RGS13: variants seen among roughly 807,000 people sequenced by gnomAD.
RGS13 encodes regulator of G-protein signalling 13.
A neutral mutation model predicts 19.9 loss-of-function variants in RGS13; 14 were observed. The ratio of observed to expected loss-of-function variants is 0.70; its 90% CI spans 0.46 to 1.10. The LOEUF is 1.10. Ranked by LOEUF, RGS13 falls within the 50% of genes least tolerant of loss-of-function variation. The pLI, the probability that RGS13 is intolerant of heterozygous loss-of-function variation, is 0.00. For missense variants in RGS13, 205 were observed against 187.1 expected, an observed-to-expected ratio of 1.10 and a Z score of -0.56; for synonymous variants, 60 against 56.8, an observed-to-expected ratio of 1.06 and a Z score of -0.25.
chr1:192,656,808 A>G (rs1196665026), intron 5 of RGS13, among the ~76,000 whole-genome samples: 1 of 152,004 alleles, frequency 6.6e-6, no homozygotes, highest in Non-Finnish European at 1.5e-5. Flanking sequence ...CTTCTATTTG[A>G]GTTCTTTTGC....
At chr1:192,658,468 T>C in intron 6 of RGS13, 101 bp downstream of exon 6, 1 of 1,055,144 alleles carries the variant, frequency 9.5e-7, no homozygotes, top group South Asian at 1.6e-5. Context: ...ACATCCAGTA[T>C]CTCCTAAAAT....
At chr1:192,649,270 G>C (rs1161031541) in intron 5 of RGS13, among the ~76,000 whole-genome samples, 1 of 152,126 alleles carries the variant, frequency 6.6e-6, no homozygotes, top group Non-Finnish European at 1.5e-5. Context: ...GTCAGTGTTA[G>C]AACATTGAAA....
intron 4 of RGS13, 52 bp from the exon 5 acceptor site, chr1:192,647,874 A>T (rs563722784): frequency 8.0e-7 from 1 of 1,255,144 alleles, no homozygotes; most frequent in East Asian, 2.6e-5. Flanking sequence ...TTAGTTCAAC[A>T]AAAACCTTGA....
intron 3 of RGS13, among the ~76,000 whole-genome samples, chr1:192,641,843 A>T (rs1663128081): frequency 6.6e-6 from 1 of 152,106 alleles, no homozygotes; most frequent in African/African-American, 2.4e-5. Context: ...CTTTATCCTG[A>T]AGCCAAATCT....
At position 192,659,795 on chromosome 1, in the gene RGS13, GT is replaced by G. The variant is rs1663577773; in HGVS notation, c.*277del. The stretch of plus-strand genomic sequence containing the variant: ...TTCTTCATGATACAAGCATTATAAA[GT>G]TTTTACTGTAGTAGTCAATTAATGG... On this transcript the variant is annotated 3_prime_UTR_variant, in exon 7 of 7. Coordinates refer to ENST00000391995, the MANE Select transcript of RGS13 (RefSeq NM_002927.5). The G allele has an allele frequency of 3.7e-6, 1 of 268,882 alleles. No homozygotes were observed. Among genetic ancestry groups the G allele is most frequent in the African/African-American group, 2.2e-5 (1 of 44,794 alleles). 16.7% of individuals were successfully genotyped at this position (268,882 alleles called of 1,614,324 possible).
At chr1:192,652,334 A>G (rs964644677) in intron 5 of RGS13, among the ~76,000 whole-genome samples, 2 of 152,016 alleles carry the variant, frequency 1.3e-5, no homozygotes, top group African/African-American at 2.4e-5. Flanking sequence ...TCCTGATCCC[A>G]GAGTCATTCT....
chr1:192,657,731 T>C (rs184683103), intron 5 of RGS13, among the ~76,000 whole-genome samples: 1 of 152,296 alleles, frequency 6.6e-6, no homozygotes, highest in Admixed American at 6.5e-5. Context: ...TACAAACTAA[T>C]TAGAGTATCA....
At chr1:192,658,016 C>T (rs1226345002) in intron 5 of RGS13, among the ~76,000 whole-genome samples, 185 bp from the exon 6 acceptor site, 1 of 152,104 alleles carries the variant, frequency 6.6e-6, no homozygotes, top group Admixed American at 6.6e-5. Context: ...ATTGTCAAAG[C>T]ACGCTTCAGA....
intron 4 of RGS13, chr1:192,647,586 CACAAAT>C (rs1366047835): frequency 1.9e-5 from 3 of 154,502 alleles, no homozygotes; most frequent in Admixed American, 1.3e-4. Context: ...ATTAAAAACA[CACAAAT>C]ACAAACATAA....
rs1275932120 is a variant in RGS13, at chr1:192,660,194, A to G, written c.*671A>G. 2 of 152,060 alleles carry G rather than the reference A, an allele frequency of 1.3e-5. No homozygotes were observed. The highest frequency in any genetic ancestry group is 4.8e-5 in the African/African-American group (2 of 41,430). 9.4% of individuals were successfully genotyped at this position (152,060 alleles called of 1,614,324 possible). On this transcript the variant is annotated 3_prime_UTR_variant, in exon 7 of 7. Transcript: ENST00000391995. ...TAAAATGTGGTTTCTATATTTTGAG[A>G]TGTTTTTTCCTTACAATGTGAACTC...
chr1:192,640,666 T>C (rs1663088880), intron 3 of RGS13, among the ~76,000 whole-genome samples: 1 of 81,236 alleles, frequency 1.2e-5, no homozygotes, highest in Non-Finnish European at 2.9e-5. Flanking sequence ...TATTGCTTCT[T>C]GGTCCTCCTC....
At position 192,637,656 on chromosome 1, in the gene RGS13, G is replaced by C. The variant is rs2102026784; in HGVS notation, c.-49G>C. 1 of 152,122 alleles carries C rather than the reference G, an allele frequency of 6.6e-6. No individual in the cohort carries two copies. The highest frequency in any genetic ancestry group is 3.4e-3 in the Middle Eastern group (1 of 294). 9.4% of individuals were successfully genotyped at this position (152,122 alleles called of 1,614,324 possible). ...AAAAAATGATCATTGTTTATTTGAA[G>C]CTTGGTGAGTTTATCCACAATTTAA... is the stretch of plus-strand genomic sequence containing the variant. On this transcript the variant is annotated 5_prime_UTR_variant, in exon 2 of 7. Transcript: ENST00000391995.
chr1:192,658,465 G>C, intron 6 of RGS13, 98 bp downstream of exon 6: 1 of 1,097,284 alleles, frequency 9.1e-7, no homozygotes, highest in Non-Finnish European at 1.3e-6. Flanking sequence ...TTTACATCCA[G>C]TATCTCCTAA....
At position 192,636,304 on chromosome 1, in the gene RGS13, G is replaced by A. The variant is rs769941909; in HGVS notation, c.-129G>A. The A allele has an allele frequency of 2.6e-5, 4 of 152,144 alleles. No homozygotes were observed. The highest frequency in any genetic ancestry group is 7.2e-5 in the African/African-American group (3 of 41,542). The allele number at this position is 152,144 out of a possible 1,614,324, so 9.4% of individuals were successfully genotyped here. A position where few individuals can be genotyped will look rare whatever the true frequency, so the allele number is the denominator to read the frequency against. ...TCAAATTTAGCATGGTGGACTGCTCGACAGGATATATTTGTAAGTATGAGA... is the reference window on the plus strand; with the variant it reads ...TCAAATTTAGCATGGTGGACTGCTCAACAGGATATATTTGTAAGTATGAGA... On this transcript the variant is annotated 5_prime_UTR_variant, in exon 1 of 7. Coordinates refer to ENST00000391995, the MANE Select transcript of RGS13 (RefSeq NM_002927.5).
At chr1:192,643,311 A>T (rs545527341) in intron 3 of RGS13, among the ~76,000 whole-genome samples, 3 of 152,318 alleles carry the variant, frequency 2.0e-5, no homozygotes, top group Non-Finnish European at 4.4e-5. Flanking sequence ...TTCACTGTTT[A>T]TCCTTAATAA....
chr1:192,644,069 A>G (rs1028116703), intron 3 of RGS13, among the ~76,000 whole-genome samples: 8 of 152,182 alleles, frequency 5.3e-5, no homozygotes, highest in African/African-American at 1.7e-4. Flanking sequence ...GTATTTTTTG[A>G]ACCTCATTGT....
At position 192,659,376 on chromosome 1, in the gene RGS13, G is replaced by C. The variant is rs1663569861; in HGVS notation, c.333G>C (p.Arg111Ser). The change falls in exon 7 of 7, where the codon AGG becomes AGC. Residue 111 changes from arginine (R) to serine (S), a missense_variant. Transcript: ENST00000391995. ...IDSSTRETIIRNIQEPTETCF... is the reference protein window; with the variant it reads ...IDSSTRETIISNIQEPTETCF... ...GTTCGACAAGAGAGACTATCATCAG[G>C]AACATTCAGGAACCCACTGAAACAT... The C allele has an allele frequency of 6.2e-7, 1 of 1,612,684 alleles. No homozygotes were observed. The highest frequency in any genetic ancestry group is 8.5e-7 in the Non-Finnish European group (1 of 1,179,284).
intron 3 of RGS13, 30 bp from the exon 4 acceptor site, chr1:192,644,301 A>C (rs1663177467): frequency 6.9e-7 from 1 of 1,458,682 alleles, no homozygotes; most frequent in South Asian, 1.3e-5. Context: ...AAATGATTAA[A>C]TTATACAAAT....
At chr1:192,652,992 C>G (rs985270219) in intron 5 of RGS13, among the ~76,000 whole-genome samples, 2 of 151,964 alleles carry the variant, frequency 1.3e-5, no homozygotes, top group Non-Finnish European at 2.9e-5. Flanking sequence ...AGATTTTTCT[C>G]TAATAAAAGT....
Sources: allele counts gnomAD v4.1 joint callset (sites outside exome capture counted in the v4.1 genomes callset), GRCh38; gene constraint gnomAD v4.1.1; transcripts MANE v1.5; gene names NCBI Gene and HGNC (gene_info 2026-07-23, HGNC 2026-07-21).